The following EIF4ENIF1 variants were observed in gnomAD, a reference collection of about 807,000 sequenced individuals.
EIF4ENIF1 encodes eukaryotic translation initiation factor 4E nuclear import factor 1.
Under a neutral mutation model 110.5 loss-of-function variants are expected in EIF4ENIF1, and 23 were observed. That is an observed-to-expected ratio of 0.21 (90% CI 0.15 to 0.29). EIF4ENIF1 has a LOEUF of 0.29. Among genes scored for constraint, EIF4ENIF1 ranks in the 10% least tolerant of loss-of-function variants. The probability of loss-of-function intolerance (pLI) is 1.00; values close to 1 mark genes in which losing one functional copy is unlikely to be tolerated. For synonymous variants in EIF4ENIF1, 440 were observed against 437.0 expected, an observed-to-expected ratio of 1.01 and a Z score of -0.09; for missense variants, 1,031 against 1,221.1, an observed-to-expected ratio of 0.84 and a Z score of 2.32.
rs527682506 is a variant in EIF4ENIF1 at position 31,446,405 on chromosome 22, GCT to G, written c.1988+1019_1988+1020del. Among the ~76,000 whole-genome samples, 3 of 152,180 alleles carry G rather than the reference GCT, an allele frequency of 2.0e-5. No homozygotes were observed. In the South Asian group the frequency reaches 6.2e-4, roughly 32 times the overall value. On this transcript the variant is annotated intron_variant, in intron 14 of 18. Transcript: ENST00000330125. The stretch of plus-strand genomic sequence containing the variant: ...GAGGGGTTCAGCAGACCAGTCTGGA[GCT>G]CTCTGTTTCGGTGGAAGGGTGCTAT...
At chr22:31,491,342 G>A (rs2052274658), upstream of EIF4ENIF1, among the ~76,000 whole-genome samples, 1 of 152,124 alleles carries the variant, frequency 6.6e-6, no homozygotes, top group Non-Finnish European at 1.5e-5. Context: ...TCCTAAAGCT[G>A]TGGGAAACAG....
chr22:31,449,322 T>A (rs1435522199), intron 12 of EIF4ENIF1, 26 bp downstream of exon 12: 9 of 1,607,624 alleles, frequency 5.6e-6, no homozygotes, highest in Non-Finnish European at 6.8e-6. Flanking sequence ...AAATTCATAT[T>A]TCTTTTGACA....
In EIF4ENIF1 at chr22:31,449,485, A is replaced by G. The variant is rs2145923588; in HGVS notation, c.1631T>C (p.Leu544Pro). 3.1e-6 allele frequency: 5 copies of G among 1,614,000 alleles called. 1 individual carries two copies. In the South Asian group the frequency reaches 3.3e-5, roughly 11 times the overall value. ...PVQRPASSNL[L>P]SGLMGSLEPT... ...CTCCAAGCTCCCCATAAGGCCACTCAGAAGATTGGAAGAAGCAGGTCTCTG... is the reference window on the plus strand; with the variant it reads ...CTCCAAGCTCCCCATAAGGCCACTCGGAAGATTGGAAGAAGCAGGTCTCTG... The change falls in exon 12 of 19, where the codon CTG (leucine) becomes CCG (proline). Residue 544 changes from leucine to proline, a missense_variant. Around this residue, in one of 3 missense-constraint regions of EIF4ENIF1, gnomAD observed 704 missense variants for 879.7 expected, o/e 0.80. Transcript: ENST00000330125.
In EIF4ENIF1 at chr22:31,488,700, C is replaced by G; in HGVS notation, c.19G>C (p.Gly7Arg). Residue 7 changes from glycine (G) to arginine (R), a missense_variant, in exon 2 of 19, where the codon GGT (glycine) becomes CGT (arginine). By Grantham distance (125) the Gly-to-Arg change is moderately radical (BLOSUM62 -2). This residue lies in a region of EIF4ENIF1 where 704 missense variants were observed against 879.7 expected (regional missense o/e 0.80). Transcript: ENST00000330125. MDRRSMGETESGDAFLD... is the reference protein window; with the variant it reads MDRRSMRETESGDAFLD... ...AAAGCATCTCCACTTTCTGTTTCAC[C>G]CATACTTCTCCTATCCATGGCTCCT... 2 of 1,613,980 alleles carry G rather than the reference C, an allele frequency of 1.2e-6. No homozygotes were observed. The highest frequency in any genetic ancestry group is 1.7e-6 in the Non-Finnish European group (2 of 1,179,982).
intron 4 of EIF4ENIF1, among the ~76,000 whole-genome samples, chr22:31,465,555 T>C (rs1345567761): frequency 1.3e-5 from 2 of 152,194 alleles, no homozygotes; most frequent in African/African-American, 4.8e-5. Context: ...CAAGTGCAAC[T>C]CTCATACACC....
rs1601605901 is a variant in EIF4ENIF1 at position 31,463,673 on chromosome 22, A to G, written c.585+8T>C. The G allele has an allele frequency of 1.9e-6, 3 of 1,544,578 alleles. No homozygotes were observed. The highest frequency in any genetic ancestry group is 2.6e-6 in the Non-Finnish European group (3 of 1,154,202). The stretch of plus-strand genomic sequence containing the variant: ...ATTTAAAAAAAAAAAAAAAAAAAAA[A>G]GACAAACCCTGAAACGCTTGTCCTT... On this transcript the variant is annotated splice_region_variant and intron_variant, in intron 5 of 18. Transcript: ENST00000330125.
At chr22:31,471,763 A>G in intron 3 of EIF4ENIF1, 81 bp downstream of exon 3, 1 of 1,271,012 alleles carries the variant, frequency 7.9e-7, no homozygotes, top group Non-Finnish European at 1.1e-6. Flanking sequence ...CTTCAAAACA[A>G]TACAATTCTT....
chr22:31,490,812 T>C (rs2052251938), upstream of EIF4ENIF1, among the ~76,000 whole-genome samples: 1 of 152,186 alleles, frequency 6.6e-6, no homozygotes, highest in African/African-American at 2.4e-5. Flanking sequence ...AAGCGATACA[T>C]AGGCGTGAAG....
chr22:31,461,282 G>A (rs888870066), intron 6 of EIF4ENIF1, among the ~76,000 whole-genome samples: 2 of 152,142 alleles, frequency 1.3e-5, no homozygotes, highest in Non-Finnish European at 2.9e-5. Flanking sequence ...ATCAGCCTGG[G>A]ACTGGCCACC....
intron 2 of EIF4ENIF1, among the ~76,000 whole-genome samples, chr22:31,475,375 C>A (rs542150631): frequency 2.6e-5 from 4 of 152,110 alleles, no homozygotes; most frequent in Non-Finnish European, 5.9e-5. Flanking sequence ...GAGGCTGAAG[C>A]GGGAAGACTG....
At position 31,447,566 on chromosome 22, in the gene EIF4ENIF1, C is replaced by G; in HGVS notation, c.1849-1G>C. ...CCTGTTGCAACTCCAGCTGGCTCAT[C>G]TGCTGAAAAGGAGAGGGGAGGGTCA... On this transcript the variant is annotated splice_acceptor_variant, in intron 13 of 18. Transcript: ENST00000330125. LOFTEE classifies it high-confidence loss of function. The G allele has an allele frequency of 3.1e-6, 5 of 1,601,974 alleles. No homozygotes were observed. Among genetic ancestry groups the G allele is most frequent in the Non-Finnish European group, 3.4e-6 (4 of 1,172,122 alleles).
In EIF4ENIF1 at chr22:31,458,625, C is replaced by T; in HGVS notation, c.813G>A (p.Val271=). ...KEGIVECNGG[V]AEEDEVEVIL... is the part of the protein sequence containing the mutation. ...TGACCTCCACTTCATCCTCTTCGGCCACTCCTCCATTGCACTCTACTATAC... is the reference window on the plus strand; with the variant it reads ...TGACCTCCACTTCATCCTCTTCGGCTACTCCTCCATTGCACTCTACTATAC... Residue 271 remains valine, a synonymous_variant, in exon 7 of 19, where the codon GTG becomes GTA. Coordinates refer to ENST00000330125, the MANE Select transcript of EIF4ENIF1 (RefSeq NM_019843.4). 6.2e-7 allele frequency: 1 copy of T among 1,608,716 alleles called. No homozygotes were observed. The highest frequency in any genetic ancestry group is 8.5e-7 in the Non-Finnish European group (1 of 1,177,572).
chr22:31,482,462 A>T (rs1031111326), intron 2 of EIF4ENIF1, among the ~76,000 whole-genome samples: 4 of 152,126 alleles, frequency 2.6e-5, no homozygotes, highest in African/African-American at 7.2e-5. Context: ...CAGGTGGATC[A>T]CTTGAGGTCA....
At chr22:31,470,312 G>A (rs2051330950) in intron 3 of EIF4ENIF1, among the ~76,000 whole-genome samples, 2 of 151,500 alleles carry the variant, frequency 1.3e-5, no homozygotes, top group South Asian at 4.2e-4. Flanking sequence ...ATGGAGTCTT[G>A]CTCTGTTGCC....
intron 3 of EIF4ENIF1, among the ~76,000 whole-genome samples, chr22:31,469,024 T>C (rs1569093531): frequency 6.6e-6 from 1 of 152,206 alleles, no homozygotes; most frequent in Non-Finnish European, 1.5e-5. Flanking sequence ...TTGATGTGTA[T>C]TTTTCCAGAA....
intron 2 of EIF4ENIF1, among the ~76,000 whole-genome samples, chr22:31,474,263 G>A (rs888420012): frequency 6.6e-6 from 1 of 152,000 alleles, no homozygotes; most frequent in Non-Finnish European, 1.5e-5. Flanking sequence ...GTTTCACCAC[G>A]TTGACCAGAC....
chr22:31,442,229 C>CT (rs2050324850), intron 16 of EIF4ENIF1, 111 bp from the exon 17 acceptor site: 1 of 862,576 alleles, frequency 1.2e-6, no homozygotes, highest in Non-Finnish European at 1.8e-6. Context: ...ATCTGATACC[C>CT]TTAACAAGTT....
In EIF4ENIF1 at chr22:31,454,155, G is replaced by T; in HGVS notation, c.1501C>A (p.Pro501Thr). 6.2e-7 allele frequency: 1 copy of T among 1,614,066 alleles called. No homozygotes were observed. The highest frequency in any genetic ancestry group is 8.5e-7 in the Non-Finnish European group (1 of 1,179,942). Residue 501 changes from proline (P) to threonine (T), a missense_variant, in exon 10 of 19, where the codon CCC (proline) becomes ACC (threonine). Physicochemically the swap from Pro to Thr is conservative, Grantham distance 38 (BLOSUM62 -1). This residue lies in a region of EIF4ENIF1 where 704 missense variants were observed against 879.7 expected (regional missense o/e 0.80). Coordinates refer to ENST00000330125, the MANE Select transcript of EIF4ENIF1 (RefSeq NM_019843.4). ...TGTCAGATACTTACGCTGACTTTGG[G>T]CTGAGAAGGCAAAGTCCCACTTGCC... ...MKASGTLPSQPKVSRNLESHL... is the reference protein window; with the variant it reads ...MKASGTLPSQTKVSRNLESHL...
chr22:31,450,403 A>G (rs1470220544), intron 10 of EIF4ENIF1, 43 bp from the exon 11 acceptor site: 1 of 1,503,822 alleles, frequency 6.6e-7, no homozygotes. Context: ...TTCTTAACTC[A>G]CTTAACTTAC....
Sources: gnomAD v4.1 joint callset for allele counts (sites outside exome capture counted in the v4.1 genomes callset) on GRCh38, gnomAD v4.1.1 for gene constraint, gnomAD v4.1.1 regional missense constraint, MANE v1.5 for transcripts, NCBI Gene and HGNC (gene_info 2026-07-23, HGNC 2026-07-21) for gene names.